The following WDFY4 variants were observed in gnomAD, a reference collection of about 807,000 sequenced individuals.
The protein encoded by WDFY4 is WD repeat- and FYVE domain-containing protein 4.
In WDFY4, 169 loss-of-function variants were observed where a neutral mutation model predicts 351.9. That is an observed-to-expected ratio of 0.48 (90% CI 0.42 to 0.55). The LOEUF (loss-of-function observed/expected upper bound fraction) is 0.55. Among genes scored for constraint, WDFY4 ranks in the 20% least tolerant of loss-of-function variants. The pLI, the probability that WDFY4 is intolerant of heterozygous loss-of-function variation, is 0.00. For synonymous variants in WDFY4, 1,622 were observed against 1,574.6 expected, an observed-to-expected ratio of 1.03 and a Z score of -0.71; for missense variants, 3,803 against 3,935.6, an observed-to-expected ratio of 0.97 and a Z score of 0.90.
chr10:48,875,711 G>C (rs2069972487), intron 42 of WDFY4, among the ~76,000 whole-genome samples: 2 of 152,204 alleles, frequency 1.3e-5, no homozygotes, highest in Admixed American at 1.3e-4. Flanking sequence ...CAGCACACCT[G>C]GCCAATGACT....
At chr10:48,685,356 T>C (rs1448402185) in intron 1 of WDFY4, among the ~76,000 whole-genome samples, 1 of 152,186 alleles carries the variant, frequency 6.6e-6, no homozygotes, top group African/African-American at 2.4e-5. Context: ...TGGGAAGGGC[T>C]GACACGGGCT....
At position 48,709,909 on chromosome 10, in the gene WDFY4, C is replaced by CAAG. The variant is rs1565115969; in HGVS notation, c.179_181dup (p.Lys60dup). ...TTCTGGAATACCAGCAGTTGACTCA[C>CAAG]AAGAGCCCCATTGAGCGTCAGAAGA... On this transcript the variant is annotated inframe_insertion, in exon 2 of 62. Coordinates refer to ENST00000325239, the MANE Select transcript of WDFY4 (RefSeq NM_001394531.1). 1 of 1,552,214 alleles carries CAAG rather than the reference C, an allele frequency of 6.4e-7. No individual in the cohort carries two copies. The highest frequency in any genetic ancestry group is 8.7e-7 in the Non-Finnish European group (1 of 1,147,108).
intron 33 of WDFY4, 106 bp from the exon 34 acceptor site, chr10:48,820,956 C>A: frequency 1.3e-6 from 1 of 759,768 alleles, no homozygotes. Flanking sequence ...GCCCACACTG[C>A]TGGCAGATGC....
chr10:48,688,598 G>A (rs1019826716), intron 1 of WDFY4, among the ~76,000 whole-genome samples: 2 of 152,002 alleles, frequency 1.3e-5, no homozygotes, highest in Non-Finnish European at 2.9e-5. Context: ...GTTGCTATTT[G>A]GACTGATTCT....
intron 39 of WDFY4, among the ~76,000 whole-genome samples, chr10:48,847,759 T>C (rs2068825550): frequency 6.6e-6 from 1 of 152,218 alleles, no homozygotes; most frequent in African/African-American, 2.4e-5. Context: ...TGTCTTTTGC[T>C]ATACCAGTGT....
At chr10:48,741,351 G>A (rs1168749349) in intron 11 of WDFY4, among the ~76,000 whole-genome samples, 3 of 150,630 alleles carry the variant, frequency 2.0e-5, no homozygotes, top group Non-Finnish European at 1.5e-5. Context: ...TACTCAGGAA[G>A]CTGAGGCAGG....
At chr10:48,886,909 A>G (rs1339049436) in intron 43 of WDFY4, among the ~76,000 whole-genome samples, 1 of 152,250 alleles carries the variant, frequency 6.6e-6, no homozygotes, top group Non-Finnish European at 1.5e-5. Flanking sequence ...AAAGTGATCA[A>G]TAGAATCATG....
intron 14 of WDFY4, among the ~76,000 whole-genome samples, chr10:48,775,059 C>T (rs962291186): frequency 3.3e-5 from 5 of 152,148 alleles, no homozygotes; most frequent in African/African-American, 1.2e-4. Context: ...GTAGGGACTG[C>T]AGACATGGAG....
chr10:48,723,589 A>C, intron 5 of WDFY4, 22 bp downstream of exon 5: 2 of 1,551,288 alleles, frequency 1.3e-6, no homozygotes, highest in Non-Finnish European at 1.7e-6. Flanking sequence ...GAGGGCCTCC[A>C]ATTCCCTGGG....
At chr10:48,856,443 A>G (rs564854013) in intron 39 of WDFY4, among the ~76,000 whole-genome samples, 1 of 152,222 alleles carries the variant, frequency 6.6e-6, no homozygotes, top group African/African-American at 2.4e-5. Context: ...CTACATGTCT[A>G]TGTGAGGCTC....
chr10:48,754,399 T>G (rs1157761473), intron 12 of WDFY4, among the ~76,000 whole-genome samples: 1 of 151,980 alleles, frequency 6.6e-6, no homozygotes, highest in East Asian at 1.9e-4. Flanking sequence ...GCATCCCGTC[T>G]TTCAGTTTTG....
At chr10:48,815,036 A>G (rs1429417998) in intron 31 of WDFY4, among the ~76,000 whole-genome samples, 2 of 152,238 alleles carry the variant, frequency 1.3e-5, no homozygotes, top group African/African-American at 4.8e-5. Context: ...TTTCTTAAAC[A>G]AATATCTTTC....
At chr10:48,960,600 A>G (rs1470302767) in intron 53 of WDFY4, among the ~76,000 whole-genome samples, 1 of 152,254 alleles carries the variant, frequency 6.6e-6, no homozygotes, top group Non-Finnish European at 1.5e-5. Context: ...AAGCATGTCC[A>G]CACAAAAACT....
chr10:48,696,802 C>T (rs928748159), intron 1 of WDFY4, among the ~76,000 whole-genome samples: 5 of 152,250 alleles, frequency 3.3e-5, no homozygotes, highest in Admixed American at 1.3e-4. Context: ...ATGCAGTGCG[C>T]ACTCTGTGGG....
At chr10:48,738,791 A>G (rs1455912160) in intron 11 of WDFY4, among the ~76,000 whole-genome samples, 2 of 152,208 alleles carry the variant, frequency 1.3e-5, no homozygotes, top group African/African-American at 4.8e-5. Flanking sequence ...GTTTCTACAA[A>G]GTGTGTCTGA....
rs1004960796 is a variant in WDFY4 at position 48,981,470 on chromosome 10, C to A, written c.9480C>A (p.Ala3160=). 57 of 1,551,598 alleles carry A rather than the reference C, an allele frequency of 3.7e-5. No individual in the cohort carries two copies. The African/African-American group carries it at 7.1e-4, about 19-fold the overall frequency. The change falls in exon 61 of 62, where the codon GCC becomes GCA. Residue 3160 remains alanine (A), a synonymous_variant. Transcript: ENST00000325239. ...CCAGCCCCGCAGTGACTGCTCTGGC[C>A]GTGTCCAGGTAAGCGCGGCCTTGTT... ...SKTSPAVTAL[A]VSRNHTKLLV... is the part of the protein sequence containing the mutation.
intron 34 of WDFY4, among the ~76,000 whole-genome samples, chr10:48,821,875 G>A (rs1425789665): frequency 6.6e-6 from 1 of 152,226 alleles, no homozygotes; most frequent in Non-Finnish European, 1.5e-5. Context: ...GGACAGTCAT[G>A]CGACCCTAGT....
intron 13 of WDFY4, among the ~76,000 whole-genome samples, chr10:48,768,726 AGAG>A (rs2065761444): frequency 1.2e-5 from 1 of 83,122 alleles, no homozygotes; most frequent in African/African-American, 4.9e-5. Flanking sequence ...AGAGGAGAAG[AGAG>A]AGAGAGAGAG....
At chr10:48,854,557 G>C (rs2069071967) in intron 39 of WDFY4, among the ~76,000 whole-genome samples, 1 of 152,140 alleles carries the variant, frequency 6.6e-6, no homozygotes, top group African/African-American at 2.4e-5. Flanking sequence ...ATAGACAAGA[G>C]AGGTCCTAGT....
Sources: gnomAD v4.1 joint callset for allele counts (sites outside exome capture counted in the v4.1 genomes callset) on GRCh38, gnomAD v4.1.1 for gene constraint, MANE v1.5 for transcripts, NCBI Gene and HGNC (gene_info 2026-07-23, HGNC 2026-07-21) for gene names.